NOVA1: variants seen among roughly 807,000 people sequenced by gnomAD.
The protein encoded by NOVA1 is RNA-binding protein Nova-1.
In NOVA1, 7 loss-of-function variants were observed where a neutral mutation model predicts 38.0. The observed-to-expected ratio is 0.18, with a 90% CI of 0.10 to 0.35. The LOEUF is 0.35. Among genes scored for constraint, NOVA1 ranks in the 10% least tolerant of loss-of-function variants. The pLI, the probability that NOVA1 is intolerant of heterozygous loss-of-function variation, is 1.00. For synonymous variants in NOVA1, 270 were observed against 232.5 expected (o/e 1.16, Z -1.47); for missense variants, 460 against 616.0 (o/e 0.75, Z 2.68).
Position 26,489,785 on chromosome 14 carries a change from G to A in NOVA1, c.281-9642C>T, listed in dbSNP as rs556826361. Among the ~76,000 whole-genome samples the A allele has an allele frequency of 3.5e-4, 54 of 152,140 alleles. No homozygotes were observed. The East Asian group carries it at 8.5e-3, about 24-fold the overall frequency. Reference sequence around the variant, plus strand: ...TGCGAGGCACAGGTTACAGTGACCAGAGATCATGCCACTGCACTCCAGCCT... The same window carrying A: ...TGCGAGGCACAGGTTACAGTGACCAAAGATCATGCCACTGCACTCCAGCCT... On this transcript the variant is annotated intron_variant, in intron 2 of 4. Coordinates refer to ENST00000539517, the MANE Select transcript of NOVA1 (RefSeq NM_002515.3).
intron 2 of NOVA1, among the ~76,000 whole-genome samples, chr14:26,540,117 G>T (rs745474698): frequency 1.3e-5 from 2 of 152,054 alleles, no homozygotes; most frequent in Non-Finnish European, 2.9e-5. Context: ...TTAAATCAGG[G>T]GTCCCCAATC....
intron 2 of NOVA1, among the ~76,000 whole-genome samples, chr14:26,503,428 G>A (rs1887388113): frequency 1.3e-5 from 2 of 151,990 alleles, no homozygotes; most frequent in Non-Finnish European, 1.5e-5. Flanking sequence ...ATTTTCAATT[G>A]TATTAAAAAA....
chr14:26,565,935 T>A (rs1390848983), intron 2 of NOVA1, among the ~76,000 whole-genome samples: 1 of 152,060 alleles, frequency 6.6e-6, no homozygotes, highest in Non-Finnish European at 1.5e-5. Context: ...TATGTTTGTT[T>A]TAAGGGTATT....
At chr14:26,517,244 G>A (rs1350178023) in intron 2 of NOVA1, among the ~76,000 whole-genome samples, 1 of 152,040 alleles carries the variant, frequency 6.6e-6, no homozygotes, top group Non-Finnish European at 1.5e-5. Flanking sequence ...TCATTCTGCT[G>A]CTGCTACACC....
chr14:26,489,151 T>C (rs531777226), intron 2 of NOVA1, among the ~76,000 whole-genome samples: 45 of 152,262 alleles, frequency 3.0e-4, no homozygotes, highest in Middle Eastern at 3.4e-3. Context: ...TGTAACAAAG[T>C]TGTCAACTTT....
At chr14:26,550,001 A>T (rs548583089) in intron 2 of NOVA1, among the ~76,000 whole-genome samples, 1 of 152,354 alleles carries the variant, frequency 6.6e-6, no homozygotes, top group South Asian at 2.1e-4. Context: ...GCTGTCATTC[A>T]TTTAAAAATT....
At chr14:26,574,825 T>A (rs1232961952) in intron 2 of NOVA1, among the ~76,000 whole-genome samples, 19 of 151,930 alleles carry the variant, frequency 1.3e-4, no homozygotes, top group Admixed American at 1.2e-3. Context: ...CCCACTAATT[T>A]AAAAAAATTT....
At chr14:26,582,901 C>T (rs1893308442) in intron 2 of NOVA1, among the ~76,000 whole-genome samples, 1 of 151,706 alleles carries the variant, frequency 6.6e-6, no homozygotes, top group African/African-American at 2.4e-5. Context: ...TTAAACATGC[C>T]ATTTCAGATA....
intron 4 of NOVA1, 120 bp from the exon 5 acceptor site, chr14:26,449,083 G>C (rs187864708): frequency 3.6e-5 from 33 of 914,262 alleles, no homozygotes; most frequent in Admixed American, 2.3e-4. Flanking sequence ...TTATGAAACA[G>C]AAATATCACA....
intron 2 of NOVA1, among the ~76,000 whole-genome samples, chr14:26,490,144 T>G (rs1432377598): frequency 1.3e-5 from 2 of 152,200 alleles, no homozygotes; most frequent in Non-Finnish European, 2.9e-5. Flanking sequence ...TTACTTAGGA[T>G]AATATTTTCA....
At chr14:26,560,768 T>G (rs1891771747) in intron 2 of NOVA1, among the ~76,000 whole-genome samples, 1 of 152,178 alleles carries the variant, frequency 6.6e-6, no homozygotes, top group Admixed American at 6.5e-5. Flanking sequence ...TTAATCTTTG[T>G]GCCATCTTTT....
At chr14:26,531,011 T>G (rs1889672973) in intron 2 of NOVA1, among the ~76,000 whole-genome samples, 1 of 152,208 alleles carries the variant, frequency 6.6e-6, no homozygotes, top group African/African-American at 2.4e-5. Context: ...CTATACAGAA[T>G]GTTAGCAGTC....
At chr14:26,552,547 C>G (rs1891226730) in intron 2 of NOVA1, among the ~76,000 whole-genome samples, 1 of 152,052 alleles carries the variant, frequency 6.6e-6, no homozygotes. Context: ...AAGATTGAAT[C>G]TAATAGCTAG....
At chr14:26,545,217 T>C (rs1281295305) in intron 2 of NOVA1, among the ~76,000 whole-genome samples, 1 of 151,934 alleles carries the variant, frequency 6.6e-6, no homozygotes, top group African/African-American at 2.4e-5. Context: ...TTACATGCAA[T>C]AATTGCTGAA....
intron 3 of NOVA1, among the ~76,000 whole-genome samples, chr14:26,474,165 G>C (rs987514938): frequency 3.3e-5 from 5 of 151,950 alleles, no homozygotes; most frequent in African/African-American, 9.7e-5. Context: ...AATGAGTCTG[G>C]TGACTAAGTA....
In NOVA1 at chr14:26,506,691, T is replaced by A. The variant is rs181173669; in HGVS notation, c.281-26548A>T. On this transcript the variant is annotated intron_variant, in intron 2 of 4. Transcript: ENST00000539517. ...GCCTCTCGGGTTCAAGGGATTCTCCTGTATCAGCCTCCCAAGTAGCTGGGA... is the reference window on the plus strand; with the variant it reads ...GCCTCTCGGGTTCAAGGGATTCTCCAGTATCAGCCTCCCAAGTAGCTGGGA... 9.8e-4 allele frequency among the ~76,000 whole-genome samples: 149 copies of A among 152,206 alleles called. 1 individual carries two copies. Among genetic ancestry groups the A allele is most frequent in the Non-Finnish European group, 1.4e-3 (94 of 67,996 alleles).
Position 26,445,238 on chromosome 14 carries a change from T to C in NOVA1, c.*2721A>G, listed in dbSNP as rs971917402. 2 of 152,234 alleles carry C rather than the reference T, an allele frequency of 1.3e-5. No homozygotes were observed. Among genetic ancestry groups the C allele is most frequent in the Admixed American group, 1.3e-4 (2 of 15,268 alleles). 9.4% of individuals were successfully genotyped at this position (152,234 alleles called of 1,614,324 possible). A position where few individuals can be genotyped will look rare whatever the true frequency, so the allele number is the denominator to read the frequency against. On this transcript the variant is annotated 3_prime_UTR_variant, in exon 5 of 5. Transcript: ENST00000539517. Reference sequence around the variant, plus strand: ...GTACAGCTGAACAGCCATTGTTACATGCCTACCTGTGGCAGTTTGAAGCCA... The same window carrying C: ...GTACAGCTGAACAGCCATTGTTACACGCCTACCTGTGGCAGTTTGAAGCCA...
intron 2 of NOVA1, among the ~76,000 whole-genome samples, chr14:26,575,530 TA>T (rs1892787685): frequency 6.6e-6 from 1 of 152,146 alleles, no homozygotes; most frequent in Non-Finnish European, 1.5e-5. Flanking sequence ...ATTTTAATGT[TA>T]AAAATGAAAT....
intron 2 of NOVA1, among the ~76,000 whole-genome samples, chr14:26,520,298 C>A (rs890044602): frequency 6.6e-6 from 1 of 152,154 alleles, no homozygotes; most frequent in African/African-American, 2.4e-5. Context: ...GCCAGCTATT[C>A]CTACATGCAG....
Sources: allele counts gnomAD v4.1 joint callset (sites outside exome capture counted in the v4.1 genomes callset), GRCh38; gene constraint gnomAD v4.1.1; transcripts MANE v1.5; gene names NCBI Gene and HGNC (gene_info 2026-07-23, HGNC 2026-07-21).